The following GLG1 variants were observed in gnomAD, a reference collection of about 807,000 sequenced individuals.
GLG1 encodes golgi glycoprotein 1.
A neutral mutation model predicts 160.5 loss-of-function variants in GLG1; 38 were observed. That is an observed-to-expected ratio of 0.24 (90% CI 0.18 to 0.31). The LOEUF (loss-of-function observed/expected upper bound fraction) is 0.31, where lower values mean the gene tolerates loss of function less well. GLG1 is among the 10% of genes least tolerant of loss of function. GLG1 has a pLI of 1.00. For missense variants in GLG1, 1,373 were observed against 1,505.2 expected, an observed-to-expected ratio of 0.91 and a Z score of 1.45; for synonymous variants, 644 against 543.4, an observed-to-expected ratio of 1.19 and a Z score of -2.57.
chr16:74,581,822 C>G (rs1309321542), intron 1 of GLG1, among the ~76,000 whole-genome samples: 4 of 152,142 alleles, frequency 2.6e-5, no homozygotes, highest in East Asian at 3.9e-4. Context: ...TGAGGCAGGA[C>G]AATCGCTTGA....
At chr16:74,472,260 G>A (rs1394189310) in intron 14 of GLG1, 89 bp downstream of exon 14, 1 of 854,698 alleles carries the variant, frequency 1.2e-6, no homozygotes, top group African/African-American at 1.7e-5. Context: ...AATACATGCT[G>A]CAGACAGAGG....
rs143574910 is a variant in GLG1, at chr16:74,573,970, G to C, written c.438+32687C>G. The stretch of plus-strand genomic sequence containing the variant: ...CACTACACCCCACTAATTTTTTGTA[G>C]AGGCATGACTTCTCCATGTTGCCCA... On this transcript the variant is annotated intron_variant, in intron 1 of 25. Coordinates refer to ENST00000422840, the MANE Select transcript of GLG1 (RefSeq NM_001145667.2). Among the ~76,000 whole-genome samples the C allele has an allele frequency of 3.0e-3, 449 of 152,098 alleles. 2 individuals carry two copies. The highest frequency in any genetic ancestry group is 0.017 in the Middle Eastern group (5 of 294).
At chr16:74,549,207 T>G (rs1217079595) in intron 1 of GLG1, among the ~76,000 whole-genome samples, 8 of 152,232 alleles carry the variant, frequency 5.3e-5, no homozygotes, top group Admixed American at 3.3e-4. Context: ...CTTCAAGATA[T>G]GACCACAGTA....
intron 2 of GLG1, among the ~76,000 whole-genome samples, chr16:74,511,875 C>T (rs1181662881): frequency 6.6e-6 from 1 of 152,032 alleles, no homozygotes; most frequent in African/African-American, 2.4e-5. Flanking sequence ...AAGTCTCTTC[C>T]CTAAGAACCA....
At chr16:74,518,161 G>C (rs930878698) in intron 2 of GLG1, among the ~76,000 whole-genome samples, 1 of 152,098 alleles carries the variant, frequency 6.6e-6, no homozygotes, top group Admixed American at 6.6e-5. Context: ...TCCTCATCAA[G>C]CTGCCACTGA....
At chr16:74,513,266 T>A (rs539240361) in intron 2 of GLG1, among the ~76,000 whole-genome samples, 1 of 152,186 alleles carries the variant, frequency 6.6e-6, no homozygotes, top group South Asian at 2.1e-4. Flanking sequence ...GGGATATACT[T>A]GAGATACTTA....
At chr16:74,456,488 C>G (rs2014545555) in intron 25 of GLG1, 161 bp downstream of exon 25, 4 of 605,922 alleles carry the variant, frequency 6.6e-6, no homozygotes, top group East Asian at 3.0e-5. Flanking sequence ...GCACTTATTG[C>G]TAGTCTCACA....
At chr16:74,490,552 G>C (rs1427770215) in intron 8 of GLG1, among the ~76,000 whole-genome samples, 1 of 152,170 alleles carries the variant, frequency 6.6e-6, no homozygotes, top group African/African-American at 2.4e-5. Context: ...ATTAGTAACA[G>C]AAAAAATTTA....
At chr16:74,529,563 ATC>A (rs1433772713) in intron 2 of GLG1, among the ~76,000 whole-genome samples, 2 of 151,168 alleles carry the variant, frequency 1.3e-5, no homozygotes, top group African/African-American at 4.9e-5. Context: ...TCTTCTCTGG[ATC>A]TCTCTCTGTT....
intron 12 of GLG1, 70 bp downstream of exon 12, chr16:74,477,326 T>C (rs1238296487): frequency 9.2e-7 from 1 of 1,089,892 alleles, no homozygotes. Context: ...ATGGTGTTTG[T>C]ACTCTGCATA....
At chr16:74,577,229 T>C (rs11862228) in intron 1 of GLG1, among the ~76,000 whole-genome samples, 27,031 of 151,972 alleles carry the variant, frequency 0.18, 2,692 homozygotes, top group East Asian at 0.39. Flanking sequence ...TTTTAAAAAA[T>C]AGACATTGAG....
chr16:74,512,761 G>T (rs772987679), intron 2 of GLG1, among the ~76,000 whole-genome samples: 43 of 151,938 alleles, frequency 2.8e-4, no homozygotes, highest in Non-Finnish European at 4.9e-4. Flanking sequence ...AGTCAGGTTG[G>T]AAAGGGAATA....
chr16:74,574,466 TG>T (rs1466029093), intron 1 of GLG1, among the ~76,000 whole-genome samples: 1 of 152,206 alleles, frequency 6.6e-6, no homozygotes, highest in Admixed American at 6.5e-5. Context: ...TGACTAGCTA[TG>T]AAGGATGGTG....
chr16:74,459,255 G>A (rs2014683862), intron 23 of GLG1, among the ~76,000 whole-genome samples: 1 of 152,148 alleles, frequency 6.6e-6, no homozygotes, highest in South Asian at 2.1e-4. Flanking sequence ...GAGGCGGGTG[G>A]ATCACGAGGT....
chr16:74,558,897 A>ATTT (rs887615378), intron 1 of GLG1, among the ~76,000 whole-genome samples: 7 of 152,072 alleles, frequency 4.6e-5, no homozygotes, highest in African/African-American at 1.4e-4. Context: ...TACTTTTTAT[A>ATTT]TTTTCTTAGA....
chr16:74,508,699 C>A, intron 3 of GLG1, 140 bp downstream of exon 3: 2 of 575,994 alleles, frequency 3.5e-6, no homozygotes, highest in East Asian at 2.7e-5. Context: ...AATTACACCC[C>A]CCAACTTCCT....
At chr16:74,506,829 G>A (rs959686980) in intron 3 of GLG1, among the ~76,000 whole-genome samples, 59 of 152,098 alleles carry the variant, frequency 3.9e-4, no homozygotes, top group African/African-American at 1.4e-3. Flanking sequence ...AAACTTCTAA[G>A]ATGAACAGCA....
At chr16:74,591,074 T>C (rs2143862580) in intron 1 of GLG1, among the ~76,000 whole-genome samples, 1 of 152,316 alleles carries the variant, frequency 6.6e-6, no homozygotes, top group East Asian at 1.9e-4. Flanking sequence ...GGCTCACACC[T>C]GTAATCCCAG....
chr16:74,471,326 AT>A lies in GLG1; in HGVS notation c.2116-41del. On this transcript the variant is annotated intron_variant, in intron 14 of 25. Coordinates refer to ENST00000422840, the MANE Select transcript of GLG1 (RefSeq NM_001145667.2). Reference sequence around the variant, plus strand: ...ATGCATTTACACTTCATTGGTAACAATTAATGAACAAAACTTGTAGCCCAGT... The same window carrying A: ...ATGCATTTACACTTCATTGGTAACAATAATGAACAAAACTTGTAGCCCAGT... 4 of 1,103,256 alleles carry A rather than the reference AT, an allele frequency of 3.6e-6. 1 individual carries two copies. The South Asian group carries it at 5.0e-5, about 14-fold the overall frequency. The allele number at this position is 1,103,256 out of a possible 1,614,324, so 68.3% of individuals were successfully genotyped here. A position where few individuals can be genotyped will look rare whatever the true frequency, so the allele number is the denominator to read the frequency against.
Sources: gnomAD v4.1 joint callset for allele counts (sites outside exome capture counted in the v4.1 genomes callset) on GRCh38, gnomAD v4.1.1 for gene constraint, MANE v1.5 for transcripts, NCBI Gene and HGNC (gene_info 2026-07-23, HGNC 2026-07-21) for gene names.